Variants in SYT1 observed in about 807,000 individuals in gnomAD.
The protein encoded by SYT1 is synaptotagmin 1, also known as synaptotagmin-1.
Under a neutral mutation model 44.8 loss-of-function variants are expected in SYT1, and 8 were observed. The ratio of observed to expected loss-of-function variants is 0.18; its 90% CI spans 0.10 to 0.32. The LOEUF is 0.32. Among genes scored for constraint, SYT1 ranks in the 10% least tolerant of loss-of-function variants. The probability of loss-of-function intolerance (pLI) is 1.00; values close to 1 mark genes in which losing one functional copy is unlikely to be tolerated. For synonymous variants in SYT1, 154 were observed against 188.8 expected (o/e 0.82, Z 1.51); for missense variants, 286 against 509.3 (o/e 0.56, Z 4.22).
At chr12:79,133,128 T>A (rs1439897298) in intron 3 of SYT1, among the ~76,000 whole-genome samples, 2 of 152,148 alleles carry the variant, frequency 1.3e-5, no homozygotes, top group African/African-American at 4.8e-5. Context: ...GGGTAGTTAA[T>A]GAGATAGATA....
At chr12:79,194,661 AC>A in intron 3 of SYT1, among the ~76,000 whole-genome samples, 2 of 152,248 alleles carry the variant, frequency 1.3e-5, no homozygotes, top group East Asian at 3.9e-4. Flanking sequence ...GTGTACACAC[AC>A]ACACTTGAAA....
At chr12:78,939,192 G>T (rs540397613) in intron 1 of SYT1, among the ~76,000 whole-genome samples, 44 of 152,216 alleles carry the variant, frequency 2.9e-4, no homozygotes, top group African/African-American at 9.6e-4. Context: ...TAATGTAAAA[G>T]AAAGCATTTC....
chr12:78,881,213 C>T (rs1874435897), intron 1 of SYT1, among the ~76,000 whole-genome samples: 1 of 151,588 alleles, frequency 6.6e-6, no homozygotes. Context: ...TACTTCCCTC[C>T]TGTCCCTCTC....
intron 3 of SYT1, among the ~76,000 whole-genome samples, chr12:79,067,893 T>C (rs919325942): frequency 2.6e-5 from 4 of 152,198 alleles, no homozygotes; most frequent in Non-Finnish European, 5.9e-5. Flanking sequence ...CAAGTAGAAA[T>C]TGTTGTAGAA....
chr12:79,335,568 A>G (rs904535107), intron 8 of SYT1, among the ~76,000 whole-genome samples: 29 of 151,872 alleles, frequency 1.9e-4, no homozygotes, highest in African/African-American at 4.6e-4. Flanking sequence ...GTACCTTTCA[A>G]TCCATTTTGA....
intron 2 of SYT1, among the ~76,000 whole-genome samples, chr12:79,021,547 C>T (rs1872194591): frequency 6.6e-6 from 1 of 151,516 alleles, no homozygotes; most frequent in Admixed American, 6.6e-5. Context: ...TAGCATCGTA[C>T]AATTGATAAA....
At chr12:79,271,554 AG>A in intron 4 of SYT1, among the ~76,000 whole-genome samples, 1 of 152,310 alleles carries the variant, frequency 6.6e-6, no homozygotes, top group African/African-American at 2.4e-5. Flanking sequence ...ATAAATAATA[AG>A]CTTCATGATT....
At chr12:78,993,718 T>C (rs1870174930) in intron 2 of SYT1, among the ~76,000 whole-genome samples, 1 of 152,232 alleles carries the variant, frequency 6.6e-6, no homozygotes, top group South Asian at 2.1e-4. Flanking sequence ...TTTTGGCCTA[T>C]AAAAATGATG....
Position 78,929,446 on chromosome 12 carries a change from A to AAAAAAAAAAAAG in SYT1, c.-216-48353_-216-48352insAAAAAAAAAAAG, listed in dbSNP as rs373264605. Among the ~76,000 whole-genome samples, 442 of 128,550 alleles carry AAAAAAAAAAAAG rather than the reference A, an allele frequency of 3.4e-3. 87 individuals are homozygous for AAAAAAAAAAAAG. The highest frequency in any genetic ancestry group is 0.016 in the African/African-American group (422 of 25,868). 84.3% of individuals were successfully genotyped at this position (128,550 alleles called of 152,430 possible). A position where few individuals can be genotyped will look rare whatever the true frequency, so the allele number is the denominator to read the frequency against. On this transcript the variant is annotated intron_variant, in intron 1 of 10. Transcript: ENST00000261205. ...AAAAAAAAAAAAAAAAAAAAAAAAA[A>AAAAAAAAAAAAG]GGTTATTAGCAGCAATTAGTTTTAT...
At chr12:79,062,198 C>A (rs1592713047) in intron 3 of SYT1, among the ~76,000 whole-genome samples, 1 of 152,048 alleles carries the variant, frequency 6.6e-6, no homozygotes, top group Admixed American at 6.6e-5. Flanking sequence ...GTCTATGTAG[C>A]TTTAAGTTAT....
At chr12:79,223,946 T>C (rs981462649) in intron 4 of SYT1, among the ~76,000 whole-genome samples, 5 of 152,206 alleles carry the variant, frequency 3.3e-5, no homozygotes, top group Admixed American at 1.3e-4. Context: ...CTGTGCTGCC[T>C]GGGGCTAGGG....
Position 79,155,762 on chromosome 12 carries a change from T to C in SYT1, c.-17-61741T>C, listed in dbSNP as rs1224583802. Among the ~76,000 whole-genome samples, 3 of 152,352 alleles carry C rather than the reference T, an allele frequency of 2.0e-5. No individual in the cohort carries two copies. The East Asian group carries it at 5.8e-4, about 29-fold the overall frequency. ...GGAACAAACTTCTCTGACAGACTTT[T>C]AGTGATGACTCCATTTCAGAAGGGA... On this transcript the variant is annotated intron_variant, in intron 3 of 10. Coordinates refer to ENST00000261205, the MANE Select transcript of SYT1 (RefSeq NM_005639.3).
chr12:78,986,251 T>C (rs1869633417), intron 2 of SYT1, among the ~76,000 whole-genome samples: 1 of 152,062 alleles, frequency 6.6e-6, no homozygotes, highest in Non-Finnish European at 1.5e-5. Context: ...ATTTTATTGC[T>C]ATGTAACATT....
At chr12:79,179,383 T>TA (rs1872280103) in intron 3 of SYT1, among the ~76,000 whole-genome samples, 1 of 123,582 alleles carries the variant, frequency 8.1e-6, no homozygotes, top group Non-Finnish European at 1.6e-5. Context: ...GATATAGATA[T>TA]ATCGATATAG....
At chr12:79,263,087 A>G (rs1236363915) in intron 4 of SYT1, among the ~76,000 whole-genome samples, 1 of 152,166 alleles carries the variant, frequency 6.6e-6, no homozygotes, top group Non-Finnish European at 1.5e-5. Flanking sequence ...TTTTCATTCC[A>G]TTTGTCTCCA....
chr12:79,285,989 C>T lies in SYT1; in HGVS notation c.351+18C>T, dbSNP rs748367375. The T allele has an allele frequency of 1.3e-6, 2 of 1,577,416 alleles. No individual in the cohort carries two copies. The highest frequency in any genetic ancestry group is 2.0e-5 in the Admixed American group (1 of 48,882). On this transcript the variant is annotated intron_variant, in intron 5 of 10. Coordinates refer to ENST00000261205, the MANE Select transcript of SYT1 (RefSeq NM_005639.3). Reference sequence around the variant, plus strand: ...AAGATCAGGTAATGTATTCTTTCTACATTTCTTCTTATTTTGTTTAAAAAA... The same window carrying T: ...AAGATCAGGTAATGTATTCTTTCTATATTTCTTCTTATTTTGTTTAAAAAA...
At chr12:78,875,665 T>C (rs978668528) in intron 1 of SYT1, among the ~76,000 whole-genome samples, 2 of 151,776 alleles carry the variant, frequency 1.3e-5, no homozygotes, top group African/African-American at 2.4e-5. Flanking sequence ...AGTGTAATCA[T>C]GTATAATCTC....
Position 79,296,241 on chromosome 12 carries a change from T to A in SYT1, c.642+5T>A. Reference sequence around the variant, plus strand: ...AATGAGCAATTTACTTTCAAGGTATTTGTTAACATTTATTTATAACCTTTC... The same window carrying A: ...AATGAGCAATTTACTTTCAAGGTATATGTTAACATTTATTTATAACCTTTC... On this transcript the variant is annotated splice_donor_5th_base_variant and intron_variant, in intron 7 of 10. Transcript: ENST00000261205. 6.2e-7 allele frequency: 1 copy of A among 1,611,380 alleles called. No homozygotes were observed. Among genetic ancestry groups the A allele is most frequent in the Non-Finnish European group, 8.5e-7 (1 of 1,178,818 alleles).
intron 3 of SYT1, among the ~76,000 whole-genome samples, chr12:79,203,147 G>A (rs1304235195): frequency 6.6e-6 from 1 of 151,910 alleles, no homozygotes; most frequent in African/African-American, 2.4e-5. Flanking sequence ...GCTCGTTTTT[G>A]GCAGATGTAA....
Sources: allele counts gnomAD v4.1 joint callset (sites outside exome capture counted in the v4.1 genomes callset), GRCh38; gene constraint gnomAD v4.1.1; transcripts MANE v1.5; gene names NCBI Gene and HGNC (gene_info 2026-07-23, HGNC 2026-07-21).